Variants in MSI2 observed in about 807,000 individuals in gnomAD.
MSI2 encodes RNA-binding protein Musashi homolog 2.
MSI2 carries 17 observed loss-of-function variants against 45.6 expected under a neutral mutation model. The observed-to-expected ratio is 0.37, with a 90% CI of 0.26 to 0.56. The LOEUF (loss-of-function observed/expected upper bound fraction) is 0.56, where lower values mean the gene tolerates loss of function less well. Among genes scored for constraint, MSI2 ranks in the 20% least tolerant of loss-of-function variants. The probability of loss-of-function intolerance (pLI) is 0.77; values close to 1 mark genes in which losing one functional copy is unlikely to be tolerated. For missense variants in MSI2, 293 were observed against 444.2 expected, an observed-to-expected ratio of 0.66 and a Z score of 3.06; for synonymous variants, 156 against 158.2, an observed-to-expected ratio of 0.99 and a Z score of 0.11.
At chr17:57,367,208 C>T (rs548143201) in intron 5 of MSI2, among the ~76,000 whole-genome samples, 3 of 152,228 alleles carry the variant, frequency 2.0e-5, no homozygotes, top group South Asian at 2.1e-4. Context: ...AGAGCACAGA[C>T]GAAGCTACAC....
intron 9 of MSI2, among the ~76,000 whole-genome samples, chr17:57,619,673 G>C (rs1007304637): frequency 2.0e-5 from 3 of 152,156 alleles, no homozygotes; most frequent in Admixed American, 1.3e-4. Flanking sequence ...GGGCAGACCC[G>C]AGTGGCCCCT....
At chr17:57,409,740 G>A (rs975654250) in intron 6 of MSI2, among the ~76,000 whole-genome samples, 1 of 152,122 alleles carries the variant, frequency 6.6e-6, no homozygotes, top group Non-Finnish European at 1.5e-5. Flanking sequence ...CAGGCACAGT[G>A]GCTCACGCCT....
At chr17:57,347,863 C>A (rs2143824584) in intron 5 of MSI2, among the ~76,000 whole-genome samples, 1 of 152,334 alleles carries the variant, frequency 6.6e-6, no homozygotes, top group African/African-American at 2.4e-5. Context: ...TTTCTTCTTT[C>A]TTCTGTTCAC....
chr17:57,377,946 G>A (rs2083528341), intron 5 of MSI2, among the ~76,000 whole-genome samples: 1 of 152,142 alleles, frequency 6.6e-6, no homozygotes, highest in Admixed American at 6.5e-5. Flanking sequence ...GTGGTGGTGT[G>A]CACCTGTAGT....
intron 6 of MSI2, among the ~76,000 whole-genome samples, chr17:57,445,079 T>G: frequency 6.6e-6 from 1 of 152,192 alleles, no homozygotes; most frequent in Non-Finnish European, 1.5e-5. Flanking sequence ...GATGGATGTT[T>G]TCCCCAGGAT....
At chr17:57,348,392 C>G (rs969099721) in intron 5 of MSI2, among the ~76,000 whole-genome samples, 4 of 152,112 alleles carry the variant, frequency 2.6e-5, no homozygotes, top group Non-Finnish European at 4.4e-5. Context: ...TATGTGTCTT[C>G]TCCAGATCTC....
chr17:57,341,051 A>G (rs1915100672), intron 5 of MSI2, among the ~76,000 whole-genome samples: 1 of 152,156 alleles, frequency 6.6e-6, no homozygotes, highest in South Asian at 2.1e-4. Context: ...ATGCTGCCCC[A>G]GGGCTGGTGT....
chr17:57,438,221 A>G (rs1046621707), intron 6 of MSI2, among the ~76,000 whole-genome samples: 20 of 152,062 alleles, frequency 1.3e-4, no homozygotes, highest in African/African-American at 4.3e-4. Context: ...GGAAGGCAGG[A>G]TGGGGTCCCC....
At chr17:57,609,784 A>G (rs1257872994) in intron 8 of MSI2, among the ~76,000 whole-genome samples, 1 of 152,222 alleles carries the variant, frequency 6.6e-6, no homozygotes, top group Non-Finnish European at 1.5e-5. Flanking sequence ...CTGTTCTTGC[A>G]GAAGCTCCAG....
chr17:57,633,727 G>A (rs867808582), intron 10 of MSI2, among the ~76,000 whole-genome samples: 2 of 152,150 alleles, frequency 1.3e-5, no homozygotes, highest in Non-Finnish European at 2.9e-5. Flanking sequence ...AAGCCCTGAA[G>A]ATGATGAAAG....
In MSI2 at chr17:57,552,275, T is replaced by C. The variant is rs1232426129; in HGVS notation, c.454+22551T>C. 6.6e-6 allele frequency among the ~76,000 whole-genome samples: 1 copy of C among 152,198 alleles called. No individual in the cohort carries two copies. The highest frequency in any genetic ancestry group is 1.9e-4 in the East Asian group (1 of 5,188). On this transcript the variant is annotated intron_variant, in intron 7 of 13. Transcript: ENST00000284073. This position sits in a 1 kb window ranked among gnomAD's most constrained non-coding sequence, Gnocchi z 4.3. ...GCGGTCTAATTGAAGTTCAGAGTGA[T>C]GTTCACTGGTCTGTAATTCCTGACT... is the stretch of plus-strand genomic sequence containing the variant.
intron 7 of MSI2, among the ~76,000 whole-genome samples, chr17:57,586,126 G>GC (rs1314101995): frequency 6.6e-6 from 1 of 152,236 alleles, no homozygotes; most frequent in Non-Finnish European, 1.5e-5. Context: ...CTAATCTGCT[G>GC]CCCTGACAAG....
rs191477987 is a variant in MSI2 at position 57,612,064 on chromosome 17, G to A, written c.538-3906G>A. On this transcript the variant is annotated intron_variant, in intron 8 of 13. Coordinates refer to ENST00000284073, the MANE Select transcript of MSI2 (RefSeq NM_138962.4). ...CCTTTTTGGGTTCTGACTGTCACCCGGGTTGTTCATGCCAAGCTCTCTGGC... is the reference window on the plus strand; with the variant it reads ...CCTTTTTGGGTTCTGACTGTCACCCAGGTTGTTCATGCCAAGCTCTCTGGC... Among the ~76,000 whole-genome samples the A allele has an allele frequency of 4.0e-4, 38 of 95,350 alleles. 8 individuals are homozygous for A. Among genetic ancestry groups the A allele is most frequent in the Admixed American group, 3.2e-3 (31 of 9,558 alleles). 62.6% of individuals were successfully genotyped at this position (95,350 alleles called of 152,430 possible). A position where few individuals can be genotyped will look rare whatever the true frequency, so the allele number is the denominator to read the frequency against.
chr17:57,550,796 C>A (rs2087285576), intron 7 of MSI2, among the ~76,000 whole-genome samples: 1 of 152,114 alleles, frequency 6.6e-6, no homozygotes. Context: ...GTTCGCACAT[C>A]CAAGACCAAC....
chr17:57,600,271 C>A (rs1484086454), intron 8 of MSI2, among the ~76,000 whole-genome samples: 1 of 152,190 alleles, frequency 6.6e-6, no homozygotes, highest in Non-Finnish European at 1.5e-5. Flanking sequence ...CTCCTCAAAC[C>A]CTCGCAATCT....
In MSI2 at chr17:57,678,164, G is replaced by A. The variant is rs534643114; in HGVS notation, c.*31+1105G>A. On this transcript the variant is annotated intron_variant, in intron 13 of 13. Coordinates refer to ENST00000284073, the MANE Select transcript of MSI2 (RefSeq NM_138962.4). ...AGGGATTGCTCCTGGCTCCTGAGTC[G>A]GACCAGGTGGAGAACTGGGTTGAGT... 3.8e-4 allele frequency among the ~76,000 whole-genome samples: 58 copies of A among 152,286 alleles called. 1 individual carries two copies. The highest frequency in any genetic ancestry group is 1.3e-3 in the African/African-American group (52 of 41,552).
intron 10 of MSI2, among the ~76,000 whole-genome samples, chr17:57,648,990 C>T (rs78523036): frequency 0.012 from 1,807 of 152,300 alleles, 38 homozygotes; most frequent in African/African-American, 0.042. Flanking sequence ...GCCTCCTGGT[C>T]CTCAGGCCCC....
intron 6 of MSI2, among the ~76,000 whole-genome samples, chr17:57,505,616 T>A (rs758350494): frequency 7.9e-5 from 12 of 152,136 alleles, no homozygotes; most frequent in Non-Finnish European, 1.6e-4. Flanking sequence ...TGTGTACAAC[T>A]TGGTAGGCTA....
At chr17:57,401,329 G>A (rs1202076257) in intron 5 of MSI2, 50 bp from the exon 6 acceptor site, 2 of 1,489,290 alleles carry the variant, frequency 1.3e-6, no homozygotes, top group Admixed American at 3.3e-5. Flanking sequence ...CTTGAGCCCT[G>A]CTTTAGATAA....
Sources: gnomAD v4.1 joint callset for allele counts (sites outside exome capture counted in the v4.1 genomes callset) on GRCh38, gnomAD v4.1.1 for gene constraint, Gnocchi (gnomAD v3.1) non-coding constraint, MANE v1.5 for transcripts, NCBI Gene and HGNC (gene_info 2026-07-23, HGNC 2026-07-21) for gene names.